The following BICD2 variants were observed in gnomAD, a reference collection of about 807,000 sequenced individuals.
BICD2 encodes the protein BICD cargo adaptor 2, also known as protein bicaudal D homolog 2.
In BICD2, 25 loss-of-function variants were observed where a neutral mutation model predicts 72.9. The ratio of observed to expected loss-of-function variants is 0.34; its 90% CI spans 0.25 to 0.48. BICD2 has a LOEUF of 0.48. Ranked by LOEUF, BICD2 falls within the 20% of genes least tolerant of loss-of-function variation. The probability of loss-of-function intolerance (pLI) is 0.99; values close to 1 mark genes in which losing one functional copy is unlikely to be tolerated. For missense variants in BICD2, 894 were observed against 1,175.2 expected, an observed-to-expected ratio of 0.76 and a Z score of 3.50; for synonymous variants, 501 against 516.1, an observed-to-expected ratio of 0.97 and a Z score of 0.40.
chr9:92,745,390 G>A (rs1325082219), intron 1 of BICD2, among the ~76,000 whole-genome samples: 1 of 152,024 alleles, frequency 6.6e-6, no homozygotes, highest in East Asian at 1.9e-4. Context: ...GAACGGTGTA[G>A]AGGCAGTGCG....
Position 92,720,238 on chromosome 9 carries a change from C to T in BICD2, c.1062+62G>A. ...TCAGCAGAGTGTCAGGTAAGCACTG[C>T]TCGGGGAGCCCTGCAGACCTGGAGT... On this transcript the variant is annotated intron_variant, in intron 4 of 6. Transcript: ENST00000356884. This position sits in a 1 kb window ranked among gnomAD's most constrained non-coding sequence, Gnocchi z 5.4. The T allele has an allele frequency of 1.3e-6, 2 of 1,494,854 alleles. No individual in the cohort carries two copies. Among genetic ancestry groups the T allele is most frequent in the South Asian group, 2.6e-5 (2 of 77,786 alleles). The allele number at this position is 1,494,854 out of a possible 1,614,324, so 92.6% of individuals were successfully genotyped here. A position where few individuals can be genotyped will look rare whatever the true frequency, so the allele number is the denominator to read the frequency against.
Position 92,714,200 on chromosome 9 carries a change from A to C in BICD2, c.*954T>G, listed in dbSNP as rs1587665094. 1.0e-6 allele frequency: 1 copy of C among 985,422 alleles called. No individual in the cohort carries two copies. Among genetic ancestry groups the C allele is most frequent in the Non-Finnish European group, 1.2e-6 (1 of 829,980 alleles). The allele number at this position is 985,422 out of a possible 1,614,324, so 61.0% of individuals were successfully genotyped here. On this transcript the variant is annotated 3_prime_UTR_variant, in exon 7 of 7. Coordinates refer to ENST00000356884, the MANE Select transcript of BICD2 (RefSeq NM_001003800.2). Reference sequence around the variant, plus strand: ...CAGCACCGGGCTGGGCTCTGGATACACCTGTGGGTGTCCAACCCAGCCAAG... The same window carrying C: ...CAGCACCGGGCTGGGCTCTGGATACCCCTGTGGGTGTCCAACCCAGCCAAG...
intron 1 of BICD2, among the ~76,000 whole-genome samples, chr9:92,754,018 G>A (rs1238820605): frequency 6.6e-6 from 1 of 151,774 alleles, no homozygotes; most frequent in Non-Finnish European, 1.5e-5. Flanking sequence ...GGTGGCGGGT[G>A]CCTGTAGTCG....
chr9:92,726,901 C>T (rs1358763622), intron 2 of BICD2, among the ~76,000 whole-genome samples: 35 of 152,204 alleles, frequency 2.3e-4, no homozygotes, highest in Non-Finnish European at 1.5e-5. Flanking sequence ...CCTCTTTGGC[C>T]TCTGCCACCA....
chr9:92,721,830 A>G (rs1007433568), intron 3 of BICD2, among the ~76,000 whole-genome samples: 2 of 152,230 alleles, frequency 1.3e-5, no homozygotes, highest in Non-Finnish European at 2.9e-5. Context: ...TGGTACTTAC[A>G]ATGTAGACAG....
chr9:92,760,965 C>T (rs1324267632), intron 1 of BICD2, among the ~76,000 whole-genome samples: 1 of 152,254 alleles, frequency 6.6e-6, no homozygotes, highest in African/African-American at 2.4e-5. Flanking sequence ...GCCTCACCCC[C>T]AGTAACTCTG....
At position 92,720,555 on chromosome 9, in the gene BICD2, G is replaced by C; in HGVS notation, c.807C>G (p.Asp269Glu). The C allele has an allele frequency of 6.2e-7, 1 of 1,614,204 alleles. No individual in the cohort carries two copies. Among genetic ancestry groups the C allele is most frequent in the Non-Finnish European group, 8.5e-7 (1 of 1,180,042 alleles). ...KELSHYMSIN[D>E]SFYTSHLHVS... ...CATGCAGGTGGCTGGTGTAGAAGGA[G>C]TCATTGATGCTCATGTAGTGTGACA... Residue 269 changes from aspartate to glutamate, a missense_variant, in exon 4 of 7, where the codon GAC (aspartate) becomes GAG (glutamate). Asp to Glu is a conservative substitution (Grantham distance 45, BLOSUM62 2). Around this residue, in one of 5 missense-constraint regions of BICD2, gnomAD observed 371 missense variants for 439.1 expected, o/e 0.84. Transcript: ENST00000356884. The surrounding 1 kb of genome is among the most constrained non-coding windows in gnomAD (Gnocchi z 5.4).
intron 3 of BICD2, among the ~76,000 whole-genome samples, chr9:92,722,034 A>G (rs1853473568): frequency 6.6e-6 from 1 of 152,208 alleles, no homozygotes; most frequent in Non-Finnish European, 1.5e-5. Flanking sequence ...TTTGGGAGAG[A>G]AAAGACTCCC....
intron 2 of BICD2, among the ~76,000 whole-genome samples, chr9:92,726,549 A>G (rs374334054): frequency 6.6e-6 from 1 of 152,220 alleles, no homozygotes; most frequent in East Asian, 1.9e-4. Flanking sequence ...AGCAGAAGAC[A>G]AGAGCTATGC....
At chr9:92,715,666 A>C (rs995965596) in intron 6 of BICD2, among the ~76,000 whole-genome samples, 13 of 152,252 alleles carry the variant, frequency 8.5e-5, no homozygotes, top group African/African-American at 2.6e-4. Context: ...ATCCCTGATA[A>C]GGGTGAGAGG....
chr9:92,716,110 G>A (rs1853307303), intron 6 of BICD2, among the ~76,000 whole-genome samples: 1 of 152,110 alleles, frequency 6.6e-6, no homozygotes, highest in Non-Finnish European at 1.5e-5. Flanking sequence ...ACAAAGGGCG[G>A]GTTAAATCCC....
In BICD2 at chr9:92,720,779, T is replaced by C. The variant is rs1462811724; in HGVS notation, c.607-24A>G. 8 of 1,604,526 alleles carry C rather than the reference T, an allele frequency of 5.0e-6. No homozygotes were observed. Among genetic ancestry groups the C allele is most frequent in the Non-Finnish European group, 6.8e-6 (8 of 1,174,382 alleles). On this transcript the variant is annotated intron_variant, in intron 3 of 6. Coordinates refer to ENST00000356884, the MANE Select transcript of BICD2 (RefSeq NM_001003800.2). This position sits in a 1 kb window ranked among gnomAD's most constrained non-coding sequence, Gnocchi z 5.4. ...ACCTGGGAAGAGAAGTCAACGCTCT[T>C]GCATCAATGCAATGTGGAAGCTCCT...
At chr9:92,741,804 C>T (rs1017809552) in intron 1 of BICD2, among the ~76,000 whole-genome samples, 3 of 152,214 alleles carry the variant, frequency 2.0e-5, no homozygotes, top group African/African-American at 4.8e-5. Flanking sequence ...AAAAAGCGTA[C>T]TGCTAAATTC....
rs571613905 is a variant in BICD2 at position 92,760,635 on chromosome 9, G to A, written c.240+3870C>T. ...TTGCCCAACAATTAGTGACAACAGT[G>A]TAGCCACATGGTCATCATCTTTGGA... On this transcript the variant is annotated intron_variant, in intron 1 of 6. Coordinates refer to ENST00000356884, the MANE Select transcript of BICD2 (RefSeq NM_001003800.2). Among the ~76,000 whole-genome samples the A allele has an allele frequency of 3.3e-5, 5 of 152,304 alleles. 1 individual carries two copies. In the South Asian group the frequency reaches 1.0e-3, roughly 32 times the overall value.
intron 2 of BICD2, among the ~76,000 whole-genome samples, chr9:92,724,116 C>T (rs1853518713): frequency 6.6e-6 from 1 of 152,196 alleles, no homozygotes; most frequent in African/African-American, 2.4e-5. Context: ...GCCTGGCTCC[C>T]CAGACCATCA....
chr9:92,762,698 G>T (rs2131541037), intron 1 of BICD2, among the ~76,000 whole-genome samples: 1 of 152,306 alleles, frequency 6.6e-6, no homozygotes, highest in Non-Finnish European at 1.5e-5. Context: ...CAAATGAAGG[G>T]CACCAAAGCG....
chr9:92,733,480 G>A lies in BICD2; in HGVS notation c.241-4244C>T, dbSNP rs372957902. ...TTGAACCCAGGAGGCAGAGGTTGCA[G>A]TGAACCGAGATCACGCCACTGTATT... On this transcript the variant is annotated intron_variant, in intron 1 of 6. Coordinates refer to ENST00000356884, the MANE Select transcript of BICD2 (RefSeq NM_001003800.2). 7.9e-5 allele frequency among the ~76,000 whole-genome samples: 12 copies of A among 151,980 alleles called. No individual in the cohort carries two copies. The South Asian group carries it at 8.3e-4, about 11-fold the overall frequency.
intron 1 of BICD2, among the ~76,000 whole-genome samples, chr9:92,735,054 C>T (rs78773581): frequency 0.04 from 6,044 of 152,352 alleles, 182 homozygotes; most frequent in South Asian, 0.11. Context: ...CTGTGCTTGA[C>T]ACAAGCTCCC....
intron 1 of BICD2, among the ~76,000 whole-genome samples, chr9:92,759,789 C>T (rs1477981117): frequency 6.6e-6 from 1 of 152,216 alleles, no homozygotes; most frequent in African/African-American, 2.4e-5. Flanking sequence ...TCTTTCTTAC[C>T]CCCGATGTGT....
Sources: gnomAD v4.1 joint callset for allele counts (sites outside exome capture counted in the v4.1 genomes callset) on GRCh38, gnomAD v4.1.1 for gene constraint, gnomAD v4.1.1 regional missense constraint, Gnocchi (gnomAD v3.1) non-coding constraint, MANE v1.5 for transcripts, NCBI Gene and HGNC (gene_info 2026-07-23, HGNC 2026-07-21) for gene names.